Variants in STAC observed in about 807,000 individuals in gnomAD.
STAC encodes SH3 and cysteine-rich domain-containing protein.
A neutral mutation model predicts 48.8 loss-of-function variants in STAC; 43 were observed. The ratio of observed to expected loss-of-function variants is 0.88; its 90% CI spans 0.69 to 1.14. The LOEUF is 1.14. STAC is among the 50% of genes most tolerant of loss of function. The pLI is 0.00. For missense variants in STAC, 497 were observed against 504.0 expected, an observed-to-expected ratio of 0.99 and a Z score of 0.13; for synonymous variants, 193 against 179.5, an observed-to-expected ratio of 1.07 and a Z score of -0.60.
At chr3:36,461,973 GA>G (rs1260632497) in intron 2 of STAC, among the ~76,000 whole-genome samples, 2 of 152,288 alleles carry the variant, frequency 1.3e-5, no homozygotes, top group African/African-American at 2.4e-5. Flanking sequence ...GCTGTTATGT[GA>G]AAAATAGACT....
intron 1 of STAC, among the ~76,000 whole-genome samples, chr3:36,385,085 A>G (rs1265310420): frequency 1.3e-5 from 2 of 152,208 alleles, no homozygotes; most frequent in East Asian, 1.9e-4. Flanking sequence ...AATCTCTGAG[A>G]GAGATCTCAA....
chr3:36,483,445 T>C (rs1347918093), intron 3 of STAC, among the ~76,000 whole-genome samples: 1 of 152,134 alleles, frequency 6.6e-6, no homozygotes, highest in African/African-American at 2.4e-5. Context: ...CCAGGCAAAC[T>C]AATGGTTGGT....
intron 1 of STAC, among the ~76,000 whole-genome samples, chr3:36,433,829 T>G (rs73063829): frequency 6.6e-6 from 1 of 152,010 alleles, no homozygotes; most frequent in Non-Finnish European, 1.5e-5. Flanking sequence ...GCAATCAATC[T>G]TATCTAATAA....
At chr3:36,447,073 T>C (rs1013549569) in intron 2 of STAC, among the ~76,000 whole-genome samples, 3 of 152,236 alleles carry the variant, frequency 2.0e-5, no homozygotes, top group Non-Finnish European at 4.4e-5. Context: ...GCAGGCTAAG[T>C]AGCTAAGCAA....
intron 1 of STAC, among the ~76,000 whole-genome samples, chr3:36,390,446 C>CTTTTCTTTTTTTTTTTT (rs1699726461): frequency 1.5e-5 from 1 of 68,476 alleles, no homozygotes; most frequent in Non-Finnish European, 3.3e-5. Flanking sequence ...TGTGATTTTT[C>CTTTTCTTTTTTTTTTTT]TTTTCTTTTT....
chr3:36,511,558 A>T (rs1220125163), intron 8 of STAC, among the ~76,000 whole-genome samples: 2 of 152,242 alleles, frequency 1.3e-5, no homozygotes, highest in African/African-American at 4.8e-5. Context: ...TTCTAAAAAA[A>T]ATGCGGAGAT....
In STAC at chr3:36,493,162, T is replaced by C; in HGVS notation, c.699T>C (p.Leu233=). 1 of 1,613,218 alleles carries C rather than the reference T, an allele frequency of 6.2e-7. No individual in the cohort carries two copies. Among genetic ancestry groups the C allele is most frequent in the Non-Finnish European group, 8.5e-7 (1 of 1,179,452 alleles). Residue 233 remains leucine (L), a synonymous_variant, in exon 6 of 11, where the codon CTT becomes CTC. Transcript: ENST00000273183. ...DSPHRTSTSD[L]VEVPEEANGP... is the part of the protein sequence containing the mutation. Reference sequence around the variant, plus strand: ...TTCTTTCCTCCAAGACTTCAGATCTTGTGGAGGTTCCTGAGGAAGCCAATG... The same window carrying C: ...TTCTTTCCTCCAAGACTTCAGATCTCGTGGAGGTTCCTGAGGAAGCCAATG...
intron 6 of STAC, among the ~76,000 whole-genome samples, chr3:36,495,925 C>T (rs910266165): frequency 2.0e-5 from 3 of 152,336 alleles, no homozygotes; most frequent in African/African-American, 7.2e-5. Flanking sequence ...GCATATGAAT[C>T]TGTGGTTCAT....
chr3:36,508,504 A>T (rs1698458949), intron 8 of STAC, among the ~76,000 whole-genome samples: 1 of 152,110 alleles, frequency 6.6e-6, no homozygotes, highest in African/African-American at 2.4e-5. Flanking sequence ...TGATCTGTCT[A>T]ATATTTACAG....
chr3:36,408,590 T>C (rs183036237), intron 1 of STAC, among the ~76,000 whole-genome samples: 35 of 152,310 alleles, frequency 2.3e-4, no homozygotes, highest in Admixed American at 2.2e-3. Flanking sequence ...GGAAATCTAA[T>C]GGTGAGGCTC....
intron 1 of STAC, among the ~76,000 whole-genome samples, chr3:36,414,186 G>A (rs544712384): frequency 1.5e-4 from 23 of 152,174 alleles, no homozygotes; most frequent in South Asian, 2.1e-4. Flanking sequence ...TATCTTTGTG[G>A]CATTCTCTGT....
At chr3:36,474,793 T>A (rs1697445254) in intron 2 of STAC, among the ~76,000 whole-genome samples, 1 of 152,236 alleles carries the variant, frequency 6.6e-6, no homozygotes, top group South Asian at 2.1e-4. Flanking sequence ...GTTATAATAA[T>A]ATTTTAACTA....
intron 10 of STAC, among the ~76,000 whole-genome samples, chr3:36,538,126 T>G (rs1387196424): frequency 1.3e-5 from 2 of 152,194 alleles, no homozygotes; most frequent in Non-Finnish European, 2.9e-5. Context: ...AAACTTTTAA[T>G]TCATATTTTG....
chr3:36,468,507 C>A (rs1189932913), intron 2 of STAC, among the ~76,000 whole-genome samples: 1 of 151,286 alleles, frequency 6.6e-6, no homozygotes, highest in South Asian at 2.1e-4. Flanking sequence ...TTAAAGTCTC[C>A]CATTATTATT....
intron 1 of STAC, among the ~76,000 whole-genome samples, chr3:36,397,019 G>A (rs1188854972): frequency 6.6e-6 from 1 of 152,176 alleles, no homozygotes; most frequent in African/African-American, 2.4e-5. Context: ...ACTAGTTGGA[G>A]TTTTTTGTTC....
chr3:36,410,789 G>C (rs1227162946), intron 1 of STAC, among the ~76,000 whole-genome samples: 2 of 152,158 alleles, frequency 1.3e-5, no homozygotes, highest in South Asian at 2.1e-4. Flanking sequence ...ATTCCTGATT[G>C]ATCTTTGTCT....
intron 8 of STAC, among the ~76,000 whole-genome samples, chr3:36,528,080 CAG>C (rs1231253277): frequency 1.3e-5 from 2 of 152,134 alleles, no homozygotes; most frequent in South Asian, 2.1e-4. Context: ...GAAGGACACA[CAG>C]GGGACGGGAG....
At chr3:36,416,568 C>T (rs1320916411) in intron 1 of STAC, among the ~76,000 whole-genome samples, 2 of 152,190 alleles carry the variant, frequency 1.3e-5, no homozygotes, top group Non-Finnish European at 2.9e-5. Flanking sequence ...CTCTTGGGCT[C>T]TTTATATCAA....
chr3:36,475,274 A>T (rs575597977), intron 2 of STAC, among the ~76,000 whole-genome samples: 298 of 151,208 alleles, frequency 2.0e-3, no homozygotes, highest in African/African-American at 7.0e-3. Flanking sequence ...TTTTTTTTTT[A>T]ATTCTACTAT....
Sources: gnomAD v4.1 joint callset for allele counts (sites outside exome capture counted in the v4.1 genomes callset) on GRCh38, gnomAD v4.1.1 for gene constraint, MANE v1.5 for transcripts, NCBI Gene and HGNC (gene_info 2026-07-23, HGNC 2026-07-21) for gene names.